Variants in SLC67A1 observed in about 807,000 individuals in gnomAD.
SLC67A1 encodes solute carrier family 67 member 1, also known as solute carrier family 67 member A1.
the SLC67A1 span, chr11:2,919,537 T>G: frequency 1.5e-6 from 1 of 680,556 alleles, no homozygotes; most frequent in Non-Finnish European, 2.6e-6. Flanking sequence ...CATGTCAGGG[T>G]CCACAGGGAA....
At chr11:2,902,803 G>A in the SLC67A1 span, 11 of 935,354 alleles carry the variant, frequency 1.2e-5, no homozygotes, top group Non-Finnish European at 1.1e-5. Flanking sequence ...TGGAGCTCTG[G>A]CTGCTGGCCA....
the SLC67A1 span, chr11:2,925,223 T>A: frequency 1.2e-6 from 2 of 1,602,588 alleles, no homozygotes; most frequent in East Asian, 2.2e-5. This position sits in a 1 kb window ranked among gnomAD's most constrained non-coding sequence, Gnocchi z 6.5. Flanking sequence ...AGACTGGCAA[T>A]AAACTCCTAC....
the SLC67A1 span, among the ~76,000 whole-genome samples, chr11:2,923,532 G>A: frequency 2.0e-5 from 3 of 152,212 alleles, no homozygotes; most frequent in African/African-American, 4.8e-5. The surrounding 1 kb of genome is among the most constrained non-coding windows in gnomAD (Gnocchi z 6.5). Context: ...CTAGAGGCCC[G>A]GATGTGGCCG....
At chr11:2,915,585 CAG>C in the SLC67A1 span, among the ~76,000 whole-genome samples, 2,309 of 152,344 alleles carry the variant, frequency 0.015, 62 homozygotes, top group African/African-American at 0.053. Flanking sequence ...CACCTGCCCT[CAG>C]GGGCCAGATT....
the SLC67A1 span, chr11:2,914,630 C>A: frequency 1.2e-6 from 1 of 858,304 alleles, no homozygotes; most frequent in Non-Finnish European, 1.4e-6. Context: ...CACAGCAGCA[C>A]AGGCCTTTGG....
the SLC67A1 span, chr11:2,903,383 C>A: frequency 1.1e-5 from 18 of 1,612,918 alleles, no homozygotes; most frequent in African/African-American, 1.3e-4. Flanking sequence ...CAGGGCCGGT[C>A]CCCCGGCAGG....
the SLC67A1 span, chr11:2,909,282 C>G: frequency 2.0e-6 from 3 of 1,534,644 alleles, no homozygotes; most frequent in Admixed American, 3.9e-5. Flanking sequence ...GCGGCCGCCT[C>G]CAGCCCGGCC....
the SLC67A1 span, chr11:2,903,416 C>A: frequency 6.2e-7 from 1 of 1,613,054 alleles, no homozygotes; most frequent in African/African-American, 1.3e-5. Flanking sequence ...GGCCGGTCCT[C>A]GGTCATCTTG....
chr11:2,904,211 G>C, the SLC67A1 span, among the ~76,000 whole-genome samples: 1 of 152,198 alleles, frequency 6.6e-6, no homozygotes, highest in African/African-American at 2.4e-5. Flanking sequence ...GCCAACCTCG[G>C]CCCTTCCTGT....
At chr11:2,908,436 C>G in the SLC67A1 span, 241 of 761,622 alleles carry the variant, frequency 3.2e-4, 2 homozygotes, top group East Asian at 6.6e-3. Flanking sequence ...ACCGGACCCC[C>G]CTGGGATGAC....
chr11:2,909,126 C>A, the SLC67A1 span: 14 of 1,376,280 alleles, frequency 1.0e-5, no homozygotes, highest in Non-Finnish European at 1.1e-5. Context: ...CCCGCCTGGG[C>A]AGCCCCTGGA....
At chr11:2,913,523 T>C in the SLC67A1 span, among the ~76,000 whole-genome samples, 1 of 152,312 alleles carries the variant, frequency 6.6e-6, no homozygotes, top group Non-Finnish European at 1.5e-5. Flanking sequence ...CTTTAGGACC[T>C]TCTGGGGCAC....
the SLC67A1 span, among the ~76,000 whole-genome samples, chr11:2,922,961 A>G: frequency 6.6e-6 from 1 of 152,154 alleles, no homozygotes; most frequent in South Asian, 2.1e-4. Flanking sequence ...TGAATGAGGG[A>G]GTGAATGAAT....
the SLC67A1 span, chr11:2,915,054 G>T: frequency 1.0e-6 from 1 of 985,422 alleles, no homozygotes; most frequent in African/African-American, 1.7e-5. Context: ...AGGAGTCGGA[G>T]CTGCCCTGAT....
the SLC67A1 span, chr11:2,925,059 G>A: frequency 6.8e-6 from 11 of 1,613,564 alleles, no homozygotes; most frequent in Admixed American, 1.0e-4. This position sits in a 1 kb window ranked among gnomAD's most constrained non-coding sequence, Gnocchi z 6.5. Context: ...TCCGAACTCT[G>A]GGACCCACGG....
At chr11:2,906,652 G>A in the SLC67A1 span, among the ~76,000 whole-genome samples, 3 of 151,090 alleles carry the variant, frequency 2.0e-5, no homozygotes, top group African/African-American at 4.9e-5. Context: ...ACTCATAGGT[G>A]GGAATTGAAC....
chr11:2,919,282 C>T, the SLC67A1 span: 42 of 1,565,818 alleles, frequency 2.7e-5, 1 homozygote, highest in Non-Finnish European at 3.4e-5. Flanking sequence ...GGGGTACTCA[C>T]CCCTGTTCCC....
At chr11:2,911,014 G>A in the SLC67A1 span, among the ~76,000 whole-genome samples, 15 of 152,140 alleles carry the variant, frequency 9.9e-5, no homozygotes, top group Non-Finnish European at 2.1e-4. Flanking sequence ...GAGGGAGCAC[G>A]TCCTGGGAGC....
At chr11:2,918,389 C>G in the SLC67A1 span, among the ~76,000 whole-genome samples, 1 of 152,286 alleles carries the variant, frequency 6.6e-6, no homozygotes, top group Non-Finnish European at 1.5e-5. Flanking sequence ...ACGTCCTCTC[C>G]AGACAGCCTG....
Sources: allele counts gnomAD v4.1 joint callset (sites outside exome capture counted in the v4.1 genomes callset), GRCh38; gene constraint gnomAD v4.1.1; non-coding constraint Gnocchi (gnomAD v3.1); transcripts MANE v1.5; gene names NCBI Gene and HGNC (gene_info 2026-07-23, HGNC 2026-07-21).